The following SHROOM4 variants were observed in gnomAD, a reference collection of about 807,000 sequenced individuals.
SHROOM4 encodes the protein protein Shroom4.
In SHROOM4, 17 loss-of-function variants were observed where a neutral mutation model predicts 80.3. That is an observed-to-expected ratio of 0.21 (90% CI 0.14 to 0.32). SHROOM4 has a LOEUF of 0.32. Ranked by LOEUF, SHROOM4 falls within the 10% of genes least tolerant of loss-of-function variation. The pLI is 1.00. For synonymous variants in SHROOM4, 400 were observed against 437.5 expected, an observed-to-expected ratio of 0.91 and a Z score of 1.07; for missense variants, 993 against 1,140.3, an observed-to-expected ratio of 0.87 and a Z score of 1.86.
chrX:50,627,417 T>C (rs1930844791), intron 5 of SHROOM4, among the ~76,000 whole-genome samples, 197 bp downstream of exon 5: 1 of 111,372 alleles, frequency 9.0e-6, no homozygotes, highest in East Asian at 2.8e-4. Context: ...GTCCTAGCAA[T>C]CAGTTTGGTC....
chrX:50,671,969 G>A (rs1294695748), intron 2 of SHROOM4, among the ~76,000 whole-genome samples: 2 of 111,992 alleles, frequency 1.8e-5, no homozygotes, highest in African/African-American at 6.5e-5. Flanking sequence ...AGACTCAGAG[G>A]GCATTGTAGG....
intron 1 of SHROOM4, among the ~76,000 whole-genome samples, chrX:50,728,013 T>G (rs959474325): frequency 2.7e-5 from 3 of 111,809 alleles, no homozygotes; most frequent in African/African-American, 9.8e-5. Flanking sequence ...GAGATCTTGG[T>G]GAGCAATTTC....
At chrX:50,757,300 C>T (rs1935057932) in intron 1 of SHROOM4, among the ~76,000 whole-genome samples, 1 of 112,094 alleles carries the variant, frequency 8.9e-6, no homozygotes, top group Admixed American at 9.5e-5. Flanking sequence ...GTTGATCACA[C>T]ATGTAAAGGC....
chrX:50,673,808 A>C (rs1232869397), intron 2 of SHROOM4, among the ~76,000 whole-genome samples: 2 of 109,965 alleles, frequency 1.8e-5, no homozygotes, highest in African/African-American at 6.6e-5. Context: ...GGATAAAATA[A>C]AACTGTCGCT....
chrX:50,772,415 C>T (rs1935415742), intron 1 of SHROOM4, among the ~76,000 whole-genome samples: 1 of 111,013 alleles, frequency 9.0e-6, no homozygotes, highest in South Asian at 3.9e-4. Flanking sequence ...AGGGACTTCC[C>T]AAGGACACAC....
At chrX:50,723,386 AAGGGAGG>A (rs1934170716) in intron 1 of SHROOM4, among the ~76,000 whole-genome samples, 2 of 58,159 alleles carry the variant, frequency 3.4e-5, no homozygotes, top group Non-Finnish European at 6.1e-5. Flanking sequence ...GGGAGGGAGC[AAGGGAGG>A]GAGAGAGAGA....
At chrX:50,752,255 A>G (rs188415284) in intron 1 of SHROOM4, among the ~76,000 whole-genome samples, 1 of 112,170 alleles carries the variant, frequency 8.9e-6, no homozygotes, top group Admixed American at 9.5e-5. Context: ...TCCTATTCTG[A>G]CAGAGAAGAC....
chrX:50,650,331 C>T (rs926802436), intron 2 of SHROOM4, among the ~76,000 whole-genome samples: 29 of 111,858 alleles, frequency 2.6e-4, no homozygotes, highest in Admixed American at 2.2e-3. Flanking sequence ...ATACACCACA[C>T]ATGTATTACC....
chrX:50,698,169 C>G (rs1258141284), intron 1 of SHROOM4, among the ~76,000 whole-genome samples: 1 of 112,009 alleles, frequency 8.9e-6, no homozygotes, highest in Non-Finnish European at 1.9e-5. Flanking sequence ...TATTCTAGAC[C>G]AAAAGATAAA....
intron 1 of SHROOM4, among the ~76,000 whole-genome samples, chrX:50,742,523 C>T (rs1934683653): frequency 9.3e-6 from 1 of 106,955 alleles, no homozygotes; most frequent in Admixed American, 1.0e-4. Context: ...TTTGACTTTC[C>T]TTGTTTTTGA....
rs1557245593 is a variant in SHROOM4 at position 50,591,853 on chromosome X, G to A, written c.*4842C>T. On this transcript the variant is annotated 3_prime_UTR_variant, in exon 9 of 9. Coordinates refer to ENST00000376020, the MANE Select transcript of SHROOM4 (RefSeq NM_020717.5). ...CTGCCTCAGCCTCCCGAGTAGCTGGGACTACTGGTGCGTGCCACCACACCT... is the reference window on the plus strand; with the variant it reads ...CTGCCTCAGCCTCCCGAGTAGCTGGAACTACTGGTGCGTGCCACCACACCT... 3.2e-6 allele frequency: 1 copy of A among 311,659 alleles called. No individual in the cohort carries two copies. The highest frequency in any genetic ancestry group is 9.9e-5 in the East Asian group (1 of 10,115). 25.7% of individuals were successfully genotyped at this position (311,659 alleles called of 1,213,427 possible).
intron 7 of SHROOM4, 128 bp downstream of exon 7, chrX:50,602,505 G>A: frequency 3.1e-6 from 2 of 643,051 alleles, no homozygotes; most frequent in Non-Finnish European, 5.2e-6. Context: ...AATCCAGAGA[G>A]GCTGTATGGT....
intron 1 of SHROOM4, among the ~76,000 whole-genome samples, chrX:50,706,008 A>G (rs980878196): frequency 9.4e-6 from 1 of 106,726 alleles, no homozygotes; most frequent in African/African-American, 3.4e-5. Flanking sequence ...ACACACACAC[A>G]CACACACACA....
chrX:50,577,735 A>G, the SHROOM4 span, among the ~76,000 whole-genome samples: 1 of 111,947 alleles, frequency 8.9e-6, no homozygotes, highest in African/African-American at 3.2e-5. Context: ...CATAGTTACC[A>G]GTGTATGGAG....
intron 2 of SHROOM4, among the ~76,000 whole-genome samples, chrX:50,669,045 C>T (rs1264946302): frequency 8.9e-6 from 1 of 112,492 alleles, no homozygotes; most frequent in African/African-American, 3.2e-5. Context: ...TGAAAGAATA[C>T]TTTATTGCTA....
the SHROOM4 span, among the ~76,000 whole-genome samples, chrX:50,578,481 A>T: frequency 9.0e-6 from 1 of 110,949 alleles, no homozygotes; most frequent in Admixed American, 9.5e-5. Context: ...AATTTTTTGT[A>T]TTTTTAGTAG....
At chrX:50,644,498 A>G (rs1373420267) in intron 2 of SHROOM4, among the ~76,000 whole-genome samples, 6 of 111,788 alleles carry the variant, frequency 5.4e-5, no homozygotes, top group African/African-American at 2.0e-4. Flanking sequence ...GATTTGTTGC[A>G]CCCCCTAAGC....
At chrX:50,753,872 G>A (rs1308952014) in intron 1 of SHROOM4, among the ~76,000 whole-genome samples, 2 of 111,428 alleles carry the variant, frequency 1.8e-5, no homozygotes, top group African/African-American at 3.3e-5. Context: ...TTTGCTTTCG[G>A]TATTTGAGAT....
At chrX:50,813,142 CGGCGGCGGCGGCGGCAGT>C (rs1301555508) in intron 1 of SHROOM4, among the ~76,000 whole-genome samples, 48 of 90,843 alleles carry the variant, frequency 5.3e-4, no homozygotes, top group Non-Finnish European at 8.0e-4. Context: ...ACCCTGGCGG[CGGCGGCGGCGGCGGCAGT>C]GGCGGCGGCG....
Sources: allele counts gnomAD v4.1 joint callset (sites outside exome capture counted in the v4.1 genomes callset), GRCh38; gene constraint gnomAD v4.1.1; transcripts MANE v1.5; gene names NCBI Gene and HGNC (gene_info 2026-07-23, HGNC 2026-07-21).